The following NUP210L variants were observed in gnomAD, a reference collection of about 807,000 sequenced individuals.
The protein encoded by NUP210L is nucleoporin 210 like, also known as nuclear pore membrane glycoprotein 210-like.
In NUP210L, 74 loss-of-function variants were observed where a neutral mutation model predicts 208.5. The observed-to-expected ratio is 0.35, with a 90% CI of 0.29 to 0.43. NUP210L has a LOEUF of 0.43. NUP210L is among the 20% of genes least tolerant of loss of function. The pLI, the probability that NUP210L is intolerant of heterozygous loss-of-function variation, is 1.00. For synonymous variants in NUP210L, 780 were observed against 816.9 expected (o/e 0.95, Z 0.77); for missense variants, 1,843 against 2,289.4 (o/e 0.81, Z 3.98).
chr1:154,146,623 C>CA (rs1659127071), intron 2 of NUP210L, among the ~76,000 whole-genome samples: 1 of 106,606 alleles, frequency 9.4e-6, no homozygotes, highest in Non-Finnish European at 1.9e-5. Flanking sequence ...CCCCCCTCCC[C>CA]CCCCCACCAA....
At chr1:154,117,057 C>A (rs1208326677) in intron 12 of NUP210L, among the ~76,000 whole-genome samples, 1 of 152,002 alleles carries the variant, frequency 6.6e-6, no homozygotes, top group Non-Finnish European at 1.5e-5. Context: ...AAAATGTTAC[C>A]TATTACTGTT....
At chr1:154,063,084 C>T (rs1347967459) in intron 17 of NUP210L, among the ~76,000 whole-genome samples, 1 of 152,120 alleles carries the variant, frequency 6.6e-6, no homozygotes, top group Non-Finnish European at 1.5e-5. Context: ...GAAGAAAACA[C>T]AATCCTTGCC....
intron 33 of NUP210L, among the ~76,000 whole-genome samples, chr1:154,014,732 A>G (rs1223750074): frequency 6.6e-6 from 1 of 152,176 alleles, no homozygotes. Context: ...GGCCGGGTGC[A>G]GTGACTCACA....
chr1:154,061,640 C>T (rs1423440250), exon 18 of NUP210L: 1 of 1,608,404 alleles, frequency 6.2e-7, no homozygotes, highest in Non-Finnish European at 8.5e-7. Context: ...TCAGTACAGT[C>T]CCTTTTATCT....
At chr1:154,092,145 G>T (rs140948230) in intron 15 of NUP210L, among the ~76,000 whole-genome samples, 1 of 145,064 alleles carries the variant, frequency 6.9e-6, no homozygotes, top group African/African-American at 2.6e-5. Context: ...GCATGATCTC[G>T]GCTCATTGTA....
chr1:154,059,486 C>T (rs1571224099), intron 20 of NUP210L, among the ~76,000 whole-genome samples: 1 of 151,986 alleles, frequency 6.6e-6, no homozygotes, highest in East Asian at 1.9e-4. Flanking sequence ...AGAGTGAGAC[C>T]CTATTTCTAC....
chr1:154,114,375 A>G (rs1310200533), intron 12 of NUP210L, among the ~76,000 whole-genome samples: 2 of 151,966 alleles, frequency 1.3e-5, no homozygotes, highest in South Asian at 2.1e-4. Context: ...TCCTCTTCCT[A>G]TGTTTCTTAA....
chr1:154,054,065 A>G (rs996873772), intron 25 of NUP210L, among the ~76,000 whole-genome samples, 163 bp downstream of exon 25: 1 of 152,222 alleles, frequency 6.6e-6, no homozygotes, highest in African/African-American at 2.4e-5. Context: ...GGTTTTCACT[A>G]AAGATGACAT....
At chr1:154,136,871 G>C (rs1384098424) in intron 6 of NUP210L, among the ~76,000 whole-genome samples, 1 of 120,634 alleles carries the variant, frequency 8.3e-6, no homozygotes, top group Non-Finnish European at 1.6e-5. Flanking sequence ...AGTGAGCCGA[G>C]ATCATGCCAC....
At chr1:154,009,805 A>G (rs1308090913) in intron 35 of NUP210L, among the ~76,000 whole-genome samples, 167 bp downstream of exon 35, 1 of 151,650 alleles carries the variant, frequency 6.6e-6, no homozygotes, top group Admixed American at 6.6e-5. Context: ...AAAAAAAAAA[A>G]AAAAGAAAAA....
chr1:154,025,779 TA>T, intron 29 of NUP210L, 63 bp from the exon 30 acceptor site: 6 of 1,459,742 alleles, frequency 4.1e-6, no homozygotes. Context: ...GAGAAAAGAG[TA>T]AAAATTTCCA....
chr1:153,993,188 AAAAT>A lies in NUP210L; in HGVS notation c.5492-103_5492-100del. The A allele has an allele frequency of 4.0e-6, 3 of 746,630 alleles. No individual in the cohort carries two copies. In the South Asian group the frequency reaches 6.3e-5, roughly 16 times the overall value. 46.3% of individuals were successfully genotyped at this position (746,630 alleles called of 1,614,324 possible). ...AGAATATTGCTAAAAATAATTCTTA[AAAAT>A]AAGTAATAGTAATGGCACTATTACA... On this transcript the variant is annotated intron_variant, in intron 38 of 39. Transcript: ENST00000368559.
At chr1:154,118,845 T>C (rs777001777) in intron 10 of NUP210L, 37 bp from the exon 11 acceptor site, 1 of 1,349,400 alleles carries the variant, frequency 7.4e-7, no homozygotes, top group Admixed American at 1.9e-5. Flanking sequence ...AATATATTTA[T>C]AAGGACTATT....
intron 5 of NUP210L, among the ~76,000 whole-genome samples, chr1:154,139,272 A>G (rs918937248): frequency 1.1e-4 from 16 of 152,204 alleles, no homozygotes; most frequent in Non-Finnish European, 2.1e-4. Flanking sequence ...CAGTGAACTC[A>G]TGGTCAAAGA....
rs1450779418 is a variant in NUP210L, at chr1:154,141,372, C to T, written c.566+59G>A. Reference sequence around the variant, plus strand: ...ACAAATGGTTGCTTGTTCAGCATGCCGCTTAATGGCAGATGTCTTCTTCAT... The same window carrying T: ...ACAAATGGTTGCTTGTTCAGCATGCTGCTTAATGGCAGATGTCTTCTTCAT... On this transcript the variant is annotated intron_variant, in intron 4 of 39. Coordinates refer to ENST00000368559, the Ensembl canonical transcript of NUP210L. The T allele has an allele frequency of 5.1e-5, 54 of 1,065,776 alleles. 4 individuals carry two copies. Among genetic ancestry groups the T allele is most frequent in the Middle Eastern group, 2.0e-4 (1 of 4,980 alleles). The allele number at this position is 1,065,776 out of a possible 1,614,324, so 66.0% of individuals were successfully genotyped here. A position where few individuals can be genotyped will look rare whatever the true frequency, so the allele number is the denominator to read the frequency against.
intron 7 of NUP210L, among the ~76,000 whole-genome samples, chr1:154,135,069 T>TAGC (rs1251818690): frequency 6.6e-6 from 1 of 152,056 alleles, no homozygotes; most frequent in African/African-American, 2.4e-5. Context: ...AATCCTTGCA[T>TAGC]AGCAGGTTTA....
intron 12 of NUP210L, among the ~76,000 whole-genome samples, chr1:154,112,878 C>G (rs1209933774): frequency 6.7e-6 from 1 of 148,734 alleles, no homozygotes; most frequent in Admixed American, 6.7e-5. Context: ...AAAAAAAGGC[C>G]AGGTGCAGTG....
chr1:154,029,391 A>C (rs1361163355), intron 28 of NUP210L, among the ~76,000 whole-genome samples: 9 of 144,188 alleles, frequency 6.2e-5, no homozygotes, highest in African/African-American at 1.6e-4. Context: ...AAAAAAAAAA[A>C]AAAAAAAAAA....
chr1:154,003,978 C>G (rs1650359388), intron 35 of NUP210L, among the ~76,000 whole-genome samples: 1 of 151,964 alleles, frequency 6.6e-6, no homozygotes, highest in South Asian at 2.1e-4. Context: ...TGGGCTAGAC[C>G]CTTACTAGTC....
Sources: gnomAD v4.1 joint callset for allele counts (sites outside exome capture counted in the v4.1 genomes callset) on GRCh38, gnomAD v4.1.1 for gene constraint, MANE v1.5 for transcripts, NCBI Gene and HGNC (gene_info 2026-07-23, HGNC 2026-07-21) for gene names.